Variants in TRAF5 observed in about 807,000 individuals in gnomAD.
TRAF5 encodes TNF receptor-associated factor 5.
In TRAF5, 48 loss-of-function variants were observed where a neutral mutation model predicts 64.5. That is an observed-to-expected ratio of 0.74 (90% confidence interval 0.59 to 0.95). The LOEUF (loss-of-function observed/expected upper bound fraction) is 0.95. Among genes scored for constraint, TRAF5 ranks in the 40% least tolerant of loss-of-function variants. TRAF5 has a pLI of 0.00. For missense variants in TRAF5, 545 were observed against 662.8 expected, an observed-to-expected ratio of 0.82 and a Z score of 1.95; for synonymous variants, 206 against 240.5, an observed-to-expected ratio of 0.86 and a Z score of 1.33.
At chr1:211,356,141 G>A (rs972057543) in intron 3 of TRAF5, among the ~76,000 whole-genome samples, 2 of 152,210 alleles carry the variant, frequency 1.3e-5, no homozygotes, top group African/African-American at 2.4e-5. Context: ...AGCCTGGTGC[G>A]CAGGGCATTG....
chr1:211,364,846 G>A (rs1227161788), intron 7 of TRAF5, among the ~76,000 whole-genome samples: 1 of 151,990 alleles, frequency 6.6e-6, no homozygotes, highest in African/African-American at 2.4e-5. Flanking sequence ...TTTTGATATT[G>A]GCCTGATTCT....
At chr1:211,370,994 A>C (rs1703503611) in intron 9 of TRAF5, among the ~76,000 whole-genome samples, 1 of 152,146 alleles carries the variant, frequency 6.6e-6, no homozygotes, top group African/African-American at 2.4e-5. Flanking sequence ...AGGAGAAACA[A>C]CATGAAAATA....
rs1337706148 is a variant in TRAF5, at chr1:211,360,087, A to G, written c.543+11A>G. 2 of 1,613,240 alleles carry G rather than the reference A, an allele frequency of 1.2e-6. No individual in the cohort carries two copies. Among genetic ancestry groups the G allele is most frequent in the Non-Finnish European group, 1.7e-6 (2 of 1,179,444 alleles). ...GTCATCAATCTACAGGTGAAAAACA[A>G]CACATACAACAGTCATCTTTATGGA... On this transcript the variant is annotated intron_variant, in intron 5 of 10. Transcript: ENST00000261464.
At chr1:211,362,378 GA>G (rs1194145103) in intron 7 of TRAF5, among the ~76,000 whole-genome samples, 3 of 152,112 alleles carry the variant, frequency 2.0e-5, no homozygotes, top group Non-Finnish European at 4.4e-5. Flanking sequence ...AAAAATGAGT[GA>G]ATTTTTTTAT....
At chr1:211,341,969 G>T (rs1447778879) in intron 1 of TRAF5, among the ~76,000 whole-genome samples, 1 of 152,186 alleles carries the variant, frequency 6.6e-6, no homozygotes, top group Non-Finnish European at 1.5e-5. Context: ...AGGGGCAAGT[G>T]CTTATTAATA....
intron 1 of TRAF5, among the ~76,000 whole-genome samples, chr1:211,352,786 C>G (rs1480713920): frequency 6.6e-6 from 1 of 152,180 alleles, no homozygotes; most frequent in East Asian, 1.9e-4. Context: ...AACGCTTGCT[C>G]TGTGCTTCCA....
chr1:211,354,543 G>A lies in TRAF5; in HGVS notation c.276+76G>A, dbSNP rs543848417. 9.6e-4 allele frequency: 1,427 copies of A among 1,487,210 alleles called. 1 individual carries two copies. The highest frequency in any genetic ancestry group is 1.2e-3 in the Non-Finnish European group (1,287 of 1,070,002). The allele number at this position is 1,487,210 out of a possible 1,614,324, so 92.1% of individuals were successfully genotyped here. On this transcript the variant is annotated intron_variant, in intron 3 of 10. Coordinates refer to ENST00000261464, the MANE Select transcript of TRAF5 (RefSeq NM_001033910.3). ...AGTCAGTGAATTGGACATTGAGATA[G>A]GAGCAGGAGAGTGGTCGAGGGAGAC... is the stretch of plus-strand genomic sequence containing the variant.
intron 1 of TRAF5, among the ~76,000 whole-genome samples, chr1:211,333,622 C>CT (rs1489091577): frequency 1.3e-5 from 2 of 152,036 alleles, no homozygotes; most frequent in Non-Finnish European, 2.9e-5. Context: ...CTCAGCCCCC[C>CT]GAGTAGCTGA....
In TRAF5 at chr1:211,330,108, G is replaced by A. The variant is rs527451227; in HGVS notation, c.-2+3219G>A. On this transcript the variant is annotated intron_variant, in intron 1 of 10. Transcript: ENST00000261464. ...AGTGGTGAGCACATTTTGCATATTT[G>A]TACCTGGAGGCAGGTGGTGGTGCAT... is the stretch of plus-strand genomic sequence containing the variant. Among the ~76,000 whole-genome samples, 9 of 152,284 alleles carry A rather than the reference G, an allele frequency of 5.9e-5. No individual in the cohort carries two copies. The South Asian group carries it at 1.7e-3, about 28-fold the overall frequency.
chr1:211,350,481 G>T (rs1252230946), intron 1 of TRAF5, among the ~76,000 whole-genome samples: 1 of 152,010 alleles, frequency 6.6e-6, no homozygotes. Context: ...GTGCTGTACT[G>T]GGGAGGATAC....
At chr1:211,356,521 T>C (rs986651960) in intron 4 of TRAF5, 53 bp downstream of exon 4, 1 of 1,486,448 alleles carries the variant, frequency 6.7e-7, no homozygotes, top group African/African-American at 1.4e-5. Context: ...CAGGAATGTG[T>C]GTTGAACCCC....
intron 7 of TRAF5, among the ~76,000 whole-genome samples, chr1:211,365,130 A>G (rs1703308886): frequency 6.6e-6 from 1 of 151,590 alleles, no homozygotes; most frequent in Non-Finnish European, 1.5e-5. Flanking sequence ...CCAAGATCAT[A>G]CCACTGTACT....
chr1:211,339,433 C>T (rs10494935), intron 1 of TRAF5, among the ~76,000 whole-genome samples: 139,941 of 152,212 alleles, frequency 0.92, 64,581 homozygotes, highest in Middle Eastern at 0.98. Context: ...CTCTTACTTA[C>T]TGATGTTTCT....
At chr1:211,352,849 T>C (rs1399487897) in intron 1 of TRAF5, among the ~76,000 whole-genome samples, 1 of 152,308 alleles carries the variant, frequency 6.6e-6, no homozygotes, top group Non-Finnish European at 1.5e-5. Flanking sequence ...AAAACCTGTG[T>C]TTCCATTCTC....
intron 10 of TRAF5, among the ~76,000 whole-genome samples, chr1:211,371,697 A>AGG (rs1374658396): frequency 6.6e-6 from 1 of 152,234 alleles, no homozygotes; most frequent in Non-Finnish European, 1.5e-5. Flanking sequence ...GACTGGAAAC[A>AGG]GGCCAGCAAA....
intron 1 of TRAF5, 131 bp downstream of exon 1, chr1:211,327,020 C>G: frequency 1.2e-6 from 1 of 808,252 alleles, no homozygotes; most frequent in South Asian, 5.5e-5. Flanking sequence ...CGGCCGGTCC[C>G]CGACCGGCGG....
chr1:211,349,595 C>T (rs751019570), intron 1 of TRAF5, among the ~76,000 whole-genome samples: 12 of 152,180 alleles, frequency 7.9e-5, no homozygotes, highest in African/African-American at 1.2e-4. Context: ...TTTCAATATA[C>T]GAATTTTGGG....
chr1:211,371,529 ACAAC>A, intron 10 of TRAF5, 59 bp downstream of exon 10: 1 of 1,521,014 alleles, frequency 6.6e-7, no homozygotes. Context: ...TGTTCATGAA[ACAAC>A]CAAACACCTG....
At position 211,353,368 on chromosome 1, in the gene TRAF5, CA is replaced by C; in HGVS notation, c.132del (p.Lys44AsnfsTer29). The C allele has an allele frequency of 1.9e-6, 3 of 1,614,184 alleles. No individual in the cohort carries two copies. The highest frequency in any genetic ancestry group is 8.5e-7 in the Non-Finnish European group (1 of 1,180,034). ...QFVERLEERYKCAFCHSVLHN... is the reference protein window; with the variant it reads ...QFVERLEERYXCAFCHSVLHN... ...TTGTGGAGCGGTTGGAAGAGCGCTACAAATGTGCCTTCTGCCACTCGGTGCT... is the reference window on the plus strand; with the variant it reads ...TTGTGGAGCGGTTGGAAGAGCGCTACAATGTGCCTTCTGCCACTCGGTGCT... On this transcript the variant is annotated frameshift_variant, in exon 2 of 11. Coordinates refer to ENST00000261464, the MANE Select transcript of TRAF5 (RefSeq NM_001033910.3). LOFTEE classifies it high-confidence loss of function.
Sources: gnomAD v4.1 joint callset for allele counts (sites outside exome capture counted in the v4.1 genomes callset) on GRCh38, gnomAD v4.1.1 for gene constraint, MANE v1.5 for transcripts, NCBI Gene and HGNC (gene_info 2026-07-23, HGNC 2026-07-21) for gene names.